Variants in CD6 observed in about 807,000 individuals in gnomAD.
The protein encoded by CD6 is CD6 molecule.
Under a neutral mutation model 75.3 loss-of-function variants are expected in CD6, and 53 were observed. The observed-to-expected ratio is 0.70, with a 90% confidence interval of 0.56 to 0.88. CD6 has a LOEUF of 0.88. Ranked by LOEUF, CD6 falls within the 40% of genes least tolerant of loss-of-function variation. The probability of loss-of-function intolerance (pLI) is 0.00; values close to 1 mark genes in which losing one functional copy is unlikely to be tolerated. For synonymous variants in CD6, 359 were observed against 381.5 expected, an observed-to-expected ratio of 0.94 and a Z score of 0.69; for missense variants, 770 against 897.1, an observed-to-expected ratio of 0.86 and a Z score of 1.81.
chr11:61,010,167 C>G (rs1218689355), intron 5 of CD6, among the ~76,000 whole-genome samples: 1 of 152,180 alleles, frequency 6.6e-6, no homozygotes, highest in African/African-American at 2.4e-5. Flanking sequence ...TTTGCCATCC[C>G]AGGCCTGGTG....
chr11:60,974,616 G>T (rs1433335137), intron 1 of CD6, among the ~76,000 whole-genome samples: 1 of 152,302 alleles, frequency 6.6e-6, no homozygotes, highest in East Asian at 1.9e-4. Flanking sequence ...CCGGGTGCTG[G>T]GCCTGGCTTG....
At chr11:61,001,359 C>T (rs754937179) in intron 1 of CD6, among the ~76,000 whole-genome samples, 28 of 152,090 alleles carry the variant, frequency 1.8e-4, no homozygotes, top group Admixed American at 3.9e-4. Flanking sequence ...CCTGCCACCA[C>T]GCCTGGCTAA....
chr11:61,018,400 AT>A lies in CD6; in HGVS notation c.1942+8del. The A allele has an allele frequency of 6.3e-7, 1 of 1,577,506 alleles. No homozygotes were observed. Among genetic ancestry groups the A allele is most frequent in the Admixed American group, 1.8e-5 (1 of 55,126 alleles). ...GAGCAGTTTGGCTGTCCAGGTGCCA[AT>A]ATCTGGGGAAGGGATGTGGGAGGGG... On this transcript the variant is annotated splice_region_variant and intron_variant, in intron 12 of 12. Coordinates refer to ENST00000313421, the MANE Select transcript of CD6 (RefSeq NM_006725.5).
At chr11:60,971,978 C>T (rs2134970267) in intron 1 of CD6, 64 bp downstream of exon 1, 1 of 1,523,958 alleles carries the variant, frequency 6.6e-7, no homozygotes, top group Non-Finnish European at 9.1e-7. Context: ...CCCTCTCAGT[C>T]CCCTTTCTGG....
At position 61,018,010 on chromosome 11, in the gene CD6, T is replaced by C. The variant is rs140201536; in HGVS notation, c.1834T>C (p.Ser612Pro). 3.7e-4 allele frequency: 588 copies of C among 1,610,724 alleles called. 2 individuals are homozygous for C. In the African/African-American group the frequency reaches 7.1e-3, roughly 20 times the overall value. ...LELAGTQPAF[S>P]AGPPADDSSS... ...GCTGGCCGGCACCCAGCCAGCCTTT[T>C]CAGGTAAGCTGTGCCTCCCCCAAAC... Residue 612 changes from serine to proline, a missense_variant, in exon 11 of 13, where the codon TCA becomes CCA. Coordinates refer to ENST00000313421, the MANE Select transcript of CD6 (RefSeq NM_006725.5).
chr11:60,976,306 T>A (rs1857361912), intron 1 of CD6, among the ~76,000 whole-genome samples: 1 of 152,230 alleles, frequency 6.6e-6, no homozygotes, highest in South Asian at 2.1e-4. Flanking sequence ...AAAGCGAATA[T>A]CAAGTTCTCT....
Position 61,007,908 on chromosome 11 carries a change from C to T in CD6, c.467C>T (p.Ala156Val). The change falls in exon 3 of 13, where the codon GCA becomes GTA. Residue 156 changes from alanine to valine, a missense_variant and splice_region_variant. By Grantham distance (64) the Ala-to-Val change is moderately conservative. Transcript: ENST00000313421. The surrounding 1 kb of genome is among the most constrained non-coding windows in gnomAD (Gnocchi z 4.2). ...SDGRRARVTC[A>V]ENRALRLVDG... Reference sequence around the variant, plus strand: ...GGGAGGCGGGCCCGTGTCACCTGTGCAGGTACGAGCGCACCCCCTACACGG... The same window carrying T: ...GGGAGGCGGGCCCGTGTCACCTGTGTAGGTACGAGCGCACCCCCTACACGG... 2.2e-6 allele frequency: 3 copies of T among 1,340,722 alleles called. No individual in the cohort carries two copies. In the South Asian group the frequency reaches 5.6e-5, roughly 25 times the overall value. The allele number at this position is 1,340,722 out of a possible 1,614,324, so 83.1% of individuals were successfully genotyped here.
At chr11:60,979,379 G>T (rs1327941704) in intron 1 of CD6, among the ~76,000 whole-genome samples, 1 of 152,110 alleles carries the variant, frequency 6.6e-6, no homozygotes, top group Non-Finnish European at 1.5e-5. Flanking sequence ...TGCACCTTGG[G>T]GCCAGCAGGA....
intron 1 of CD6, among the ~76,000 whole-genome samples, chr11:60,987,727 ATTTC>A (rs753541071): frequency 0.46 from 69,664 of 151,722 alleles, 18,497 homozygotes; most frequent in East Asian, 0.88. Context: ...CTTTCCATCG[ATTTC>A]TTACCCCTGA....
chr11:61,000,315 AT>A (rs1417342271), intron 1 of CD6, among the ~76,000 whole-genome samples: 6 of 87,788 alleles, frequency 6.8e-5, no homozygotes, highest in East Asian at 2.1e-4. Flanking sequence ...CTTTCTGTTG[AT>A]TTTTTTTTTT....
intron 1 of CD6, among the ~76,000 whole-genome samples, chr11:60,995,209 A>G (rs943099802): frequency 1.3e-5 from 2 of 151,556 alleles, no homozygotes; most frequent in Non-Finnish European, 2.9e-5. Flanking sequence ...CAGTGCTGCA[A>G]TCTCAGCACA....
chr11:60,993,121 G>A (rs1858134480), intron 1 of CD6, among the ~76,000 whole-genome samples: 1 of 152,152 alleles, frequency 6.6e-6, no homozygotes, highest in Non-Finnish European at 1.5e-5. Context: ...GCCAGCCTTG[G>A]AGCCAGGACC....
chr11:60,992,804 G>A (rs1009457667), intron 1 of CD6, among the ~76,000 whole-genome samples: 8 of 151,604 alleles, frequency 5.3e-5, no homozygotes, highest in East Asian at 1.9e-4. Flanking sequence ...CTCCAGCCTC[G>A]GCGACAGTGT....
chr11:61,006,292 TC>T (rs1858853529), intron 1 of CD6, among the ~76,000 whole-genome samples: 1 of 152,198 alleles, frequency 6.6e-6, no homozygotes, highest in Admixed American at 6.5e-5. Flanking sequence ...ACTTTGTGTG[TC>T]TGGCCCCAGT....
chr11:61,013,518 C>G lies in CD6; in HGVS notation c.1246C>G (p.Leu416Val). The change falls in exon 7 of 13, where the codon CTC becomes GTC. Residue 416 changes from leucine (L) to valine (V), a missense_variant. By Grantham distance (32) the Leu-to-Val change is conservative. Transcript: ENST00000313421. ...IVLGILLLGS[L>V]IFIAFILLRI... The stretch of plus-strand genomic sequence containing the variant: ...TCTGGGAATTCTCCTCCTTGGCTCC[C>G]TCATCTTCATAGCCTTCATCCTCTT... 3.1e-6 allele frequency: 5 copies of G among 1,614,132 alleles called. No individual in the cohort carries two copies. Among genetic ancestry groups the G allele is most frequent in the Non-Finnish European group, 3.4e-6 (4 of 1,179,994 alleles).
chr11:61,011,232 G>C lies in CD6; in HGVS notation c.1150+97G>C, dbSNP rs112209800. On this transcript the variant is annotated intron_variant, in intron 6 of 12. Coordinates refer to ENST00000313421, the MANE Select transcript of CD6 (RefSeq NM_006725.5). ...CTGTGCACACCTGTGTTGGGGTGGA[G>C]GATGGTTTGGTCCTCATCCTCCACC... The C allele has an allele frequency of 4.7e-3, 4,649 of 990,002 alleles. 150 individuals are homozygous for C. The African/African-American group carries it at 0.066, about 14-fold the overall frequency. The allele number at this position is 990,002 out of a possible 1,614,324, so 61.3% of individuals were successfully genotyped here.
At chr11:60,991,149 C>CT (rs58123378) in intron 1 of CD6, among the ~76,000 whole-genome samples, 76,394 of 114,664 alleles carry the variant, frequency 0.67, 26,002 homozygotes, top group East Asian at 0.86. Context: ...CTTTTTCTTT[C>CT]TTTTTTTTTT....
chr11:60,994,457 C>CAAAAAAAAAAAAAA (rs61349237), intron 1 of CD6, among the ~76,000 whole-genome samples: 5,302 of 52,738 alleles, frequency 0.1, 635 homozygotes, highest in East Asian at 0.21. Flanking sequence ...ACACCCCCGC[C>CAAAAAAAAAAAAAA]AAAAAAAAAA....
intron 12 of CD6, chr11:61,018,675 G>A (rs1197356179): frequency 2.5e-6 from 1 of 405,182 alleles, no homozygotes; most frequent in East Asian, 3.7e-5. Flanking sequence ...CTAAATATTA[G>A]CCAAGGGTAG....
Sources: gnomAD v4.1 joint callset for allele counts (sites outside exome capture counted in the v4.1 genomes callset) on GRCh38, gnomAD v4.1.1 for gene constraint, Gnocchi (gnomAD v3.1) non-coding constraint, MANE v1.5 for transcripts, NCBI Gene and HGNC (gene_info 2026-07-23, HGNC 2026-07-21) for gene names.